RTF1: variants seen among roughly 807,000 people sequenced by gnomAD.
RTF1 encodes the protein RTF1 homolog, Paf1/RNA polymerase II complex component, also known as RNA polymerase-associated protein RTF1 homolog.
Under a neutral mutation model 95.7 loss-of-function variants are expected in RTF1, and 10 were observed. That is an observed-to-expected ratio of 0.10 (90% CI 0.06 to 0.18). RTF1 has a LOEUF of 0.18. Ranked by LOEUF, RTF1 falls within the 10% of genes least tolerant of loss-of-function variation. The pLI, the probability that RTF1 is intolerant of heterozygous loss-of-function variation, is 1.00. For missense variants in RTF1, 458 were observed against 875.6 expected (o/e 0.52, Z 6.02); for synonymous variants, 305 against 311.8 (o/e 0.98, Z 0.23).
chr15:41,417,110 G>A lies in RTF1; in HGVS notation c.-6G>A, dbSNP rs2050573399. ...GGCGGGGCCAGGGGGGCGGAGCGGA[G>A]CGCGCATGCGCGGTCGCCTTTGTGT... On this transcript the variant is annotated 5_prime_UTR_variant, in exon 1 of 18. Transcript: ENST00000389629. The A allele has an allele frequency of 8.1e-7, 1 of 1,237,414 alleles. No individual in the cohort carries two copies. Among genetic ancestry groups the A allele is most frequent in the Non-Finnish European group, 1.0e-6 (1 of 986,874 alleles). 76.7% of individuals were successfully genotyped at this position (1,237,414 alleles called of 1,614,324 possible). A position where few individuals can be genotyped will look rare whatever the true frequency, so the allele number is the denominator to read the frequency against.
intron 17 of RTF1, 55 bp from the exon 18 acceptor site, chr15:41,480,526 G>T: frequency 7.7e-7 from 1 of 1,301,680 alleles, no homozygotes; most frequent in Non-Finnish European, 1.1e-6. Context: ...GTGTAGCACA[G>T]GACTAAGAGG....
At chr15:41,461,820 G>T (rs2050850440) in intron 4 of RTF1, among the ~76,000 whole-genome samples, 1 of 151,638 alleles carries the variant, frequency 6.6e-6, no homozygotes, top group African/African-American at 2.4e-5. Context: ...GGCCAGGCTG[G>T]TCTGGAGTTC....
chr15:41,447,055 A>G (rs2050767384), intron 2 of RTF1, among the ~76,000 whole-genome samples: 1 of 152,156 alleles, frequency 6.6e-6, no homozygotes, highest in Non-Finnish European at 1.5e-5. Context: ...CACCTGCCTC[A>G]GTCTCACAGA....
intron 5 of RTF1, among the ~76,000 whole-genome samples, chr15:41,465,601 A>G (rs1205620111): frequency 6.6e-6 from 1 of 152,078 alleles, no homozygotes; most frequent in African/African-American, 2.4e-5. Context: ...AGATCATGCC[A>G]TGGCCCTCCA....
At chr15:41,460,655 G>A (rs1268778329) in intron 4 of RTF1, among the ~76,000 whole-genome samples, 2 of 151,888 alleles carry the variant, frequency 1.3e-5, no homozygotes, top group Admixed American at 6.6e-5. Flanking sequence ...TTCACCTTAC[G>A]TGAATGAGAC....
chr15:41,466,714 T>TA (rs1300353015), intron 6 of RTF1, among the ~76,000 whole-genome samples: 1 of 152,250 alleles, frequency 6.6e-6, no homozygotes, highest in Non-Finnish European at 1.5e-5. Flanking sequence ...ATCAGGATCT[T>TA]AAAGTCCATA....
intron 1 of RTF1, among the ~76,000 whole-genome samples, chr15:41,431,592 C>T (rs1164264988): frequency 1.3e-5 from 2 of 152,102 alleles, no homozygotes; most frequent in African/African-American, 4.8e-5. Context: ...CTCAACCACC[C>T]AGACTCAAAA....
At chr15:41,457,574 T>C (rs754933472) in intron 3 of RTF1, 98 bp from the exon 4 acceptor site, 56 of 1,030,764 alleles carry the variant, frequency 5.4e-5, no homozygotes, top group Non-Finnish European at 7.4e-5. Context: ...GGTTTCTTAC[T>C]GTAGCTGAAA....
intron 1 of RTF1, among the ~76,000 whole-genome samples, chr15:41,430,983 A>G (rs940153074): frequency 2.7e-5 from 4 of 150,378 alleles, no homozygotes; most frequent in Non-Finnish European, 5.9e-5. Context: ...GCTCACTGCA[A>G]CCTCCACCTC....
chr15:41,477,319 C>T (rs1230845098), intron 13 of RTF1, 33 bp downstream of exon 13: 1 of 1,614,020 alleles, frequency 6.2e-7, no homozygotes. Context: ...GGCCCGCAGA[C>T]CTTGGCCAAA....
At chr15:41,465,534 G>A (rs981141852) in intron 5 of RTF1, among the ~76,000 whole-genome samples, 1 of 151,996 alleles carries the variant, frequency 6.6e-6, no homozygotes, top group Non-Finnish European at 1.5e-5. Flanking sequence ...CCAGCTACTC[G>A]GGGGGCTGAG....
At chr15:41,439,250 G>T (rs536785331) in intron 2 of RTF1, among the ~76,000 whole-genome samples, 21 of 151,930 alleles carry the variant, frequency 1.4e-4, no homozygotes, top group African/African-American at 4.8e-4. Context: ...TAGCCAGGGT[G>T]GTCTCAATCT....
chr15:41,434,773 G>T (rs1301010098), intron 1 of RTF1, among the ~76,000 whole-genome samples: 1 of 151,320 alleles, frequency 6.6e-6, no homozygotes, highest in Non-Finnish European at 1.5e-5. Context: ...GATTACAGGC[G>T]CACATCACCA....
In RTF1 at chr15:41,481,196, GAA is replaced by G. The variant is rs2050971774; in HGVS notation, c.*510_*511del. On this transcript the variant is annotated 3_prime_UTR_variant, in exon 18 of 18. Coordinates refer to ENST00000389629, the MANE Select transcript of RTF1 (RefSeq NM_015138.5). ...TCTTTCTCTTCTGCCCTTCTTTTTG[GAA>G]GAAGGGGTTTCAAAACCAGTTTAGT... 7.1e-6 allele frequency: 1 copy of G among 141,060 alleles called. No individual in the cohort carries two copies. The highest frequency in any genetic ancestry group is 1.5e-5 in the Non-Finnish European group (1 of 65,122). The allele number at this position is 141,060 out of a possible 1,614,324, so 8.7% of individuals were successfully genotyped here.
intron 1 of RTF1, among the ~76,000 whole-genome samples, chr15:41,430,736 A>G (rs987781869): frequency 6.6e-6 from 1 of 151,972 alleles, no homozygotes; most frequent in Non-Finnish European, 1.5e-5. Flanking sequence ...CCAAGATTTC[A>G]TCTCCAAAAA....
chr15:41,466,327 C>G, intron 6 of RTF1, 75 bp downstream of exon 6: 1 of 958,914 alleles, frequency 1.0e-6, no homozygotes, highest in Non-Finnish European at 1.5e-6. Flanking sequence ...TCATTTTGCC[C>G]TCTTGTTATA....
chr15:41,429,927 A>G (rs2140947397), intron 1 of RTF1, among the ~76,000 whole-genome samples: 1 of 151,164 alleles, frequency 6.6e-6, no homozygotes, highest in South Asian at 2.1e-4. Flanking sequence ...TTGATTTTAA[A>G]TTCCATGAGG....
In RTF1 at chr15:41,481,770, G is replaced by A. The variant is rs2050976686; in HGVS notation, c.*1083G>A. 6.6e-6 allele frequency: 1 copy of A among 152,598 alleles called. No individual in the cohort carries two copies. Among genetic ancestry groups the A allele is most frequent in the Non-Finnish European group, 1.5e-5 (1 of 68,046 alleles). The allele number at this position is 152,598 out of a possible 1,614,324, so 9.5% of individuals were successfully genotyped here. A position where few individuals can be genotyped will look rare whatever the true frequency, so the allele number is the denominator to read the frequency against. ...AGAGAAATTTCTGAATATGAATGTGGAGAGCAAACACAAAAAGATTTAGGT... is the reference window on the plus strand; with the variant it reads ...AGAGAAATTTCTGAATATGAATGTGAAGAGCAAACACAAAAAGATTTAGGT... On this transcript the variant is annotated 3_prime_UTR_variant, in exon 18 of 18. Coordinates refer to ENST00000389629, the MANE Select transcript of RTF1 (RefSeq NM_015138.5).
chr15:41,467,199 A>G (rs1416075013), intron 6 of RTF1, among the ~76,000 whole-genome samples: 1 of 152,148 alleles, frequency 6.6e-6, no homozygotes, highest in African/African-American at 2.4e-5. Flanking sequence ...TCCAAGCTAT[A>G]GGTGGTAGCC....
Sources: allele counts gnomAD v4.1 joint callset (sites outside exome capture counted in the v4.1 genomes callset), GRCh38; gene constraint gnomAD v4.1.1; transcripts MANE v1.5; gene names NCBI Gene and HGNC (gene_info 2026-07-23, HGNC 2026-07-21).